The following ITGA11 variants were observed in gnomAD, a reference collection of about 807,000 sequenced individuals.
ITGA11 encodes integrin alpha-11.
In ITGA11, 97 loss-of-function variants were observed where a neutral mutation model predicts 141.9. That is an observed-to-expected ratio of 0.68 (90% CI 0.58 to 0.81). ITGA11 has a LOEUF of 0.81. ITGA11 is among the 30% of genes least tolerant of loss of function. The pLI, the probability that ITGA11 is intolerant of heterozygous loss-of-function variation, is 0.00. For missense variants in ITGA11, 1,387 were observed against 1,559.2 expected (o/e 0.89, Z 1.86); for synonymous variants, 658 against 624.6 (o/e 1.05, Z -0.80).
chr15:68,355,719 T>A (rs772315150), intron 7 of ITGA11, among the ~76,000 whole-genome samples: 22 of 151,958 alleles, frequency 1.4e-4, no homozygotes, highest in Non-Finnish European at 3.1e-4. Flanking sequence ...ACTGCTGGGA[T>A]TACAGGTCTG....
At chr15:68,400,726 A>T (rs866139441) in intron 2 of ITGA11, among the ~76,000 whole-genome samples, 1 of 18,624 alleles carries the variant, frequency 5.4e-5, no homozygotes, top group East Asian at 0.023. Context: ...ATATTATATA[A>T]TAAATATTAT....
At position 68,358,597 on chromosome 15, in the gene ITGA11, G is replaced by T. The variant is rs369897438; in HGVS notation, c.473-12C>A. On this transcript the variant is annotated splice_polypyrimidine_tract_variant and intron_variant, in intron 5 of 29. Coordinates refer to ENST00000315757, the MANE Select transcript of ITGA11 (RefSeq NM_001004439.2). Reference sequence around the variant, plus strand: ...GTAGGTCTGGCACCCTGGAAAGTGGGGACACAGTTATGGCTACCCAAGGAG... The same window carrying T: ...GTAGGTCTGGCACCCTGGAAAGTGGTGACACAGTTATGGCTACCCAAGGAG... 1 of 1,607,478 alleles carries T rather than the reference G, an allele frequency of 6.2e-7. No individual in the cohort carries two copies. Among genetic ancestry groups the T allele is most frequent in the Admixed American group, 1.7e-5 (1 of 58,760 alleles).
At chr15:68,317,707 G>A (rs148301867) in intron 20 of ITGA11, among the ~76,000 whole-genome samples, 9 of 152,188 alleles carry the variant, frequency 5.9e-5, no homozygotes, top group Admixed American at 3.9e-4. Context: ...TACATGACGC[G>A]ATGCACATAA....
chr15:68,349,117 T>C (rs925599765), intron 9 of ITGA11, among the ~76,000 whole-genome samples: 1 of 152,180 alleles, frequency 6.6e-6, no homozygotes, highest in Non-Finnish European at 1.5e-5. Context: ...ACCTTCCAGG[T>C]GCCCATGTGG....
At chr15:68,364,128 G>C (rs1304236631) in intron 4 of ITGA11, among the ~76,000 whole-genome samples, 2 of 152,136 alleles carry the variant, frequency 1.3e-5, no homozygotes, top group African/African-American at 2.4e-5. Flanking sequence ...TCCTTGCGAA[G>C]GCCTGTCTCT....
At position 68,308,794 on chromosome 15, in the gene ITGA11, G is replaced by C. The variant is rs945670734; in HGVS notation, c.3175-1098C>G. ...AGAAAAGAAAAGAAAAGGGATTAGA[G>C]GACACTGAAGATGGAGCTTGCAGCA... On this transcript the variant is annotated intron_variant, in intron 26 of 29. Coordinates refer to ENST00000315757, the MANE Select transcript of ITGA11 (RefSeq NM_001004439.2). This position sits in a 1 kb window ranked among gnomAD's most constrained non-coding sequence, Gnocchi z 5.2. Among the ~76,000 whole-genome samples, 7 of 138,594 alleles carry C rather than the reference G, an allele frequency of 5.1e-5. No individual in the cohort carries two copies. Among genetic ancestry groups the C allele is most frequent in the Non-Finnish European group, 6.4e-5 (4 of 62,120 alleles). The allele number at this position is 138,594 out of a possible 152,430, so 90.9% of individuals were successfully genotyped here.
In ITGA11 at chr15:68,332,347, C is replaced by T; in HGVS notation, c.1557G>A (p.Glu519=). ...GRERGKVYVY[E]LRQNLFVYNG... Reference sequence around the variant, plus strand: ...CCCTGCCCAGCTGTACCTGTCTCAGCTCATAGACGTACACCTTGCCTCGCT... The same window carrying T: ...CCCTGCCCAGCTGTACCTGTCTCAGTTCATAGACGTACACCTTGCCTCGCT... Residue 519 remains glutamate (E), a synonymous_variant, in exon 13 of 30, where the codon GAG becomes GAA. Transcript: ENST00000315757. 1 of 1,605,346 alleles carries T rather than the reference C, an allele frequency of 6.2e-7. No homozygotes were observed. The highest frequency in any genetic ancestry group is 8.5e-7 in the Non-Finnish European group (1 of 1,176,702).
At chr15:68,340,596 A>G (rs1323219208) in intron 10 of ITGA11, among the ~76,000 whole-genome samples, 1 of 152,082 alleles carries the variant, frequency 6.6e-6, no homozygotes, top group Non-Finnish European at 1.5e-5. Context: ...CTTGTTTCTC[A>G]GGGCTTGGAA....
At position 68,296,788 on chromosome 15, in the gene ITGA11, C is replaced by T. The variant is rs1892919261; in HGVS notation, c.*6271G>A. The T allele has an allele frequency of 6.6e-6, 1 of 150,946 alleles. No individual in the cohort carries two copies. Among genetic ancestry groups the T allele is most frequent in the Non-Finnish European group, 1.5e-5 (1 of 67,834 alleles). The allele number at this position is 150,946 out of a possible 1,614,324, so 9.4% of individuals were successfully genotyped here. On this transcript the variant is annotated 3_prime_UTR_variant, in exon 30 of 30. Transcript: ENST00000315757. ...AAAAAATGGATTCTGAGTTTTAGAT[C>T]CTGCTTGTAAGGCTGTCTCTATTCC...
intron 4 of ITGA11, among the ~76,000 whole-genome samples, chr15:68,363,772 G>A (rs74020093): frequency 2.0e-5 from 3 of 152,224 alleles, no homozygotes; most frequent in Admixed American, 6.5e-5. Flanking sequence ...CATACTCAAC[G>A]CAGCTCACTC....
chr15:68,325,277 A>C lies in ITGA11; in HGVS notation c.2212-36T>G, dbSNP rs1893939044. 1 of 1,391,170 alleles carries C rather than the reference A, an allele frequency of 7.2e-7. No individual in the cohort carries two copies. The highest frequency in any genetic ancestry group is 1.4e-5 in the African/African-American group (1 of 70,812). 86.2% of individuals were successfully genotyped at this position (1,391,170 alleles called of 1,614,324 possible). A position where few individuals can be genotyped will look rare whatever the true frequency, so the allele number is the denominator to read the frequency against. On this transcript the variant is annotated intron_variant, in intron 17 of 29. Transcript: ENST00000315757. The surrounding 1 kb of genome is among the most constrained non-coding windows in gnomAD (Gnocchi z 5.5). ...GAGATGAGGGCAGCGGTGAGGGAGG[A>C]GAGAACGTCATTTTATGAGCCAGGA... is the stretch of plus-strand genomic sequence containing the variant.
intron 20 of ITGA11, 113 bp from the exon 21 acceptor site, chr15:68,317,476 T>C: frequency 2.6e-6 from 2 of 760,916 alleles, no homozygotes. Flanking sequence ...CCTCAGCCCC[T>C]GATACCCATA....
intron 20 of ITGA11, among the ~76,000 whole-genome samples, chr15:68,318,852 G>T (rs1893691853): frequency 6.6e-6 from 1 of 152,156 alleles, no homozygotes; most frequent in Non-Finnish European, 1.5e-5. Flanking sequence ...GAGGACAGAG[G>T]CTGTGTCTGA....
Position 68,339,573 on chromosome 15 carries a change from C to G in ITGA11, c.1203G>C (p.Gly401=). 6.2e-7 allele frequency: 1 copy of G among 1,614,010 alleles called. No individual in the cohort carries two copies. The highest frequency in any genetic ancestry group is 8.5e-7 in the Non-Finnish European group (1 of 1,179,896). Residue 401 remains glycine (G), a synonymous_variant, in exon 11 of 30, where the codon GGG becomes GGC. Transcript: ENST00000315757. ...NGAVLKETSA[G]KVIPLRESYL... Reference sequence around the variant, plus strand: ...AGGACTCGCGGAGAGGAATGACCTTCCCGGCACTCGTCTCCTTTAGCACAG... The same window carrying G: ...AGGACTCGCGGAGAGGAATGACCTTGCCGGCACTCGTCTCCTTTAGCACAG...
chr15:68,417,306 A>G (rs1364916079), intron 1 of ITGA11, among the ~76,000 whole-genome samples: 1 of 152,210 alleles, frequency 6.6e-6, no homozygotes, highest in Non-Finnish European at 1.5e-5. Context: ...CAGATGGCTC[A>G]AGCCAGAAGC....
At chr15:68,319,937 T>G (rs991017165) in intron 20 of ITGA11, among the ~76,000 whole-genome samples, 15 of 138,262 alleles carry the variant, frequency 1.1e-4, no homozygotes, top group Admixed American at 2.4e-4. Context: ...TCTCCTGTGA[T>G]TTTTTTTTTT....
intron 2 of ITGA11, among the ~76,000 whole-genome samples, chr15:68,385,509 A>C (rs563437822): frequency 6.6e-5 from 10 of 152,348 alleles, no homozygotes; most frequent in African/African-American, 2.4e-4. Flanking sequence ...CTGGTTTTAG[A>C]CATGGAAGAC....
At chr15:68,431,155 C>A (rs994947176) in intron 1 of ITGA11, among the ~76,000 whole-genome samples, 1 of 152,246 alleles carries the variant, frequency 6.6e-6, no homozygotes, top group African/African-American at 2.4e-5. Flanking sequence ...TGTGGGACGG[C>A]CGGGGCCAGG....
intron 1 of ITGA11, among the ~76,000 whole-genome samples, chr15:68,419,364 G>A (rs180887785): frequency 1.8e-4 from 27 of 152,320 alleles, no homozygotes; most frequent in Non-Finnish European, 2.8e-4. Context: ...ACCATGCAAA[G>A]TGGTGAGCCC....
Sources: gnomAD v4.1 joint callset for allele counts (sites outside exome capture counted in the v4.1 genomes callset) on GRCh38, gnomAD v4.1.1 for gene constraint, Gnocchi (gnomAD v3.1) non-coding constraint, MANE v1.5 for transcripts, NCBI Gene and HGNC (gene_info 2026-07-23, HGNC 2026-07-21) for gene names.